Variants in PPARGC1A observed in about 807,000 individuals in gnomAD.
The protein encoded by PPARGC1A is PPARG coactivator 1 alpha, also known as peroxisome proliferator-activated receptor gamma coactivator 1-alpha.
In PPARGC1A, 25 loss-of-function variants were observed where a neutral mutation model predicts 88.7. That is an observed-to-expected ratio of 0.28 (90% CI 0.21 to 0.39). The LOEUF (loss-of-function observed/expected upper bound fraction) is 0.39, where lower values mean the gene tolerates loss of function less well. Ranked by LOEUF, PPARGC1A falls within the 10% of genes least tolerant of loss-of-function variation. PPARGC1A has a pLI of 1.00. For synonymous variants in PPARGC1A, 363 were observed against 355.6 expected, an observed-to-expected ratio of 1.02 and a Z score of -0.24; for missense variants, 880 against 968.7, an observed-to-expected ratio of 0.91 and a Z score of 1.22.
At chr4:24,286,606 A>G in the PPARGC1A span, among the ~76,000 whole-genome samples, 1 of 152,228 alleles carries the variant, frequency 6.6e-6, no homozygotes, top group Admixed American at 6.5e-5. Context: ...GGCTGAGTGA[A>G]GGCACAGAGA....
At chr4:24,119,101 G>A in the PPARGC1A span, among the ~76,000 whole-genome samples, 1 of 152,182 alleles carries the variant, frequency 6.6e-6, no homozygotes, top group Non-Finnish European at 1.5e-5. Context: ...TCAACATAAA[G>A]TGGGATGGTG....
At chr4:24,219,571 A>G in the PPARGC1A span, among the ~76,000 whole-genome samples, 1 of 152,184 alleles carries the variant, frequency 6.6e-6, no homozygotes, top group African/African-American at 2.4e-5. Flanking sequence ...TCAATCAAAG[A>G]GTTGTCTCCA....
At chr4:24,413,161 A>C in the PPARGC1A span, among the ~76,000 whole-genome samples, 7 of 152,130 alleles carry the variant, frequency 4.6e-5, no homozygotes, top group Admixed American at 2.6e-4. Context: ...TGACTCCGCC[A>C]ACAGTAAAGA....
chr4:23,958,714 T>C, the PPARGC1A span, among the ~76,000 whole-genome samples: 5 of 152,086 alleles, frequency 3.3e-5, no homozygotes, highest in African/African-American at 7.2e-5. Flanking sequence ...ATAATATTTA[T>C]AGTAAAATTA....
At chr4:24,149,845 C>T in the PPARGC1A span, among the ~76,000 whole-genome samples, 2 of 152,184 alleles carry the variant, frequency 1.3e-5, no homozygotes, top group Non-Finnish European at 2.9e-5. Context: ...CTGGCCTTAA[C>T]TGTTTTCATC....
At chr4:24,002,068 T>TCACACACACACACACACACA in the PPARGC1A span, among the ~76,000 whole-genome samples, 1 of 122,950 alleles carries the variant, frequency 8.1e-6, no homozygotes, top group Non-Finnish European at 1.7e-5. Flanking sequence ...GATGATAAAT[T>TCACACACACACACACACACA]CACACACACA....
At chr4:24,444,455 A>T in the PPARGC1A span, among the ~76,000 whole-genome samples, 55 of 151,174 alleles carry the variant, frequency 3.6e-4, no homozygotes, top group South Asian at 1.7e-3. Flanking sequence ...TTAAAAATTT[A>T]AAAAAAAAAT....
At chr4:23,956,896 A>T in the PPARGC1A span, among the ~76,000 whole-genome samples, 1 of 152,094 alleles carries the variant, frequency 6.6e-6, no homozygotes, top group African/African-American at 2.4e-5. Flanking sequence ...GCACAATTGT[A>T]TTTCATTTCA....
At chr4:24,165,616 T>A in the PPARGC1A span, among the ~76,000 whole-genome samples, 1 of 152,238 alleles carries the variant, frequency 6.6e-6, no homozygotes, top group Non-Finnish European at 1.5e-5. Flanking sequence ...TGTATCACAT[T>A]TTGGTAAGTC....
chr4:24,446,571 G>T, the PPARGC1A span, among the ~76,000 whole-genome samples: 1 of 151,636 alleles, frequency 6.6e-6, no homozygotes, highest in East Asian at 1.9e-4. Context: ...TCACAGAGCA[G>T]GTGAAGTGGA....
chr4:24,432,185 G>A, the PPARGC1A span, among the ~76,000 whole-genome samples: 1 of 152,314 alleles, frequency 6.6e-6, no homozygotes, highest in South Asian at 2.1e-4. Flanking sequence ...AAAATTGTAA[G>A]GTAGCGGTAA....
the PPARGC1A span, among the ~76,000 whole-genome samples, chr4:24,135,274 T>C: frequency 2.0e-5 from 3 of 152,152 alleles, no homozygotes; most frequent in Non-Finnish European, 4.4e-5. Flanking sequence ...GGCATAGTTG[T>C]AGGAGGGGAG....
At chr4:24,247,672 T>C in the PPARGC1A span, among the ~76,000 whole-genome samples, 1 of 152,326 alleles carries the variant, frequency 6.6e-6, no homozygotes, top group Non-Finnish European at 1.5e-5. Context: ...TTGCCAGGAT[T>C]GGCTGGGTAA....
the PPARGC1A span, among the ~76,000 whole-genome samples, chr4:24,049,384 C>T: frequency 6.5e-4 from 94 of 144,388 alleles, no homozygotes; most frequent in African/African-American, 1.8e-3. Context: ...TGAGAAGGAC[C>T]AAGGACAGAT....
chr4:24,203,066 C>A, the PPARGC1A span, among the ~76,000 whole-genome samples: 2 of 152,164 alleles, frequency 1.3e-5, no homozygotes, highest in African/African-American at 4.8e-5. Context: ...GATCCATAAC[C>A]AGACAGGCAG....
the PPARGC1A span, among the ~76,000 whole-genome samples, chr4:24,243,101 G>A: frequency 6.6e-6 from 1 of 152,066 alleles, no homozygotes; most frequent in Non-Finnish European, 1.5e-5. Flanking sequence ...TGGCATCCTT[G>A]CTCCATTGTA....
At chr4:24,407,187 C>G in the PPARGC1A span, among the ~76,000 whole-genome samples, 1 of 152,180 alleles carries the variant, frequency 6.6e-6, no homozygotes, top group East Asian at 1.9e-4. Context: ...AACAGGGTGG[C>G]ACTGCAGGGT....
At chr4:24,415,232 C>T in the PPARGC1A span, among the ~76,000 whole-genome samples, 417 of 151,684 alleles carry the variant, frequency 2.7e-3, 1 homozygote, top group African/African-American at 9.6e-3. Context: ...GAAAGCCACA[C>T]ACTAAGGGGC....
At chr4:24,439,564 T>A in the PPARGC1A span, among the ~76,000 whole-genome samples, 1 of 152,306 alleles carries the variant, frequency 6.6e-6, no homozygotes, top group Non-Finnish European at 1.5e-5. Context: ...TTGGGCAGAC[T>A]GTCATACCTA....
Sources: gnomAD v4.1 joint callset for allele counts (sites outside exome capture counted in the v4.1 genomes callset) on GRCh38, gnomAD v4.1.1 for gene constraint, MANE v1.5 for transcripts, NCBI Gene and HGNC (gene_info 2026-07-23, HGNC 2026-07-21) for gene names.